Variants in EPHA3 observed in about 807,000 individuals in gnomAD.
The protein encoded by EPHA3 is ephrin type-A receptor 3.
A neutral mutation model predicts 107.1 loss-of-function variants in EPHA3; 42 were observed. The ratio of observed to expected loss-of-function variants is 0.39; its 90% CI spans 0.31 to 0.51. The LOEUF (loss-of-function observed/expected upper bound fraction) is 0.51. Ranked by LOEUF, EPHA3 falls within the 20% of genes least tolerant of loss-of-function variation. EPHA3 has a pLI of 0.78. For missense variants in EPHA3, 1,183 were observed against 1,211.2 expected (o/e 0.98, Z 0.35); for synonymous variants, 461 against 424.8 (o/e 1.09, Z -1.05).
At chr3:89,427,553 G>A (rs1390799345) in intron 11 of EPHA3, among the ~76,000 whole-genome samples, 1 of 151,834 alleles carries the variant, frequency 6.6e-6, no homozygotes. Flanking sequence ...ACTTGGAAAA[G>A]GAGTGATTTT....
chr3:89,283,197 G>A lies in EPHA3; in HGVS notation c.815-57719G>A, dbSNP rs1324770307. ...TATTGTTGATGAATTAGAATCAACAGCAAAGTGAAAAAAGTTTAAACTGAT... is the reference window on the plus strand; with the variant it reads ...TATTGTTGATGAATTAGAATCAACAACAAAGTGAAAAAAGTTTAAACTGAT... On this transcript the variant is annotated intron_variant, in intron 3 of 16. Transcript: ENST00000336596. Among the ~76,000 whole-genome samples, 4 of 152,128 alleles carry A rather than the reference G, an allele frequency of 2.6e-5. No individual in the cohort carries two copies. The East Asian group carries it at 5.8e-4, about 22-fold the overall frequency.
At chr3:89,390,539 G>A (rs1255108542) in intron 5 of EPHA3, among the ~76,000 whole-genome samples, 1 of 149,816 alleles carries the variant, frequency 6.7e-6, no homozygotes, top group African/African-American at 2.4e-5. Context: ...GGCAAAGGTT[G>A]CAGTGAGCCA....
At position 89,219,688 on chromosome 3, in the gene EPHA3, G is replaced by GTGTTTTTTTTTTTTTTTTTTTTTT; in HGVS notation, c.814+9169_814+9170insGTTTTTTTTTTTTTTTTTTTTTTT. The stretch of plus-strand genomic sequence containing the variant: ...TTACCTCCAAGAGGCATTTGGCAAT[G>GTGTTTTTTTTTTTTTTTTTTTTTT]TTTTTTTTTTTTTTGTTTTTTGTTT... On this transcript the variant is annotated intron_variant, in intron 3 of 16. Transcript: ENST00000336596. Among the ~76,000 whole-genome samples, 79 of 34,442 alleles carry GTGTTTTTTTTTTTTTTTTTTTTTT rather than the reference G, an allele frequency of 2.3e-3. 22 individuals are homozygous for GTGTTTTTTTTTTTTTTTTTTTTTT. Among genetic ancestry groups the GTGTTTTTTTTTTTTTTTTTTTTTT allele is most frequent in the Non-Finnish European group, 3.2e-3 (62 of 19,126 alleles). The allele number at this position is 34,442 out of a possible 152,430, so 22.6% of individuals were successfully genotyped here. A position where few individuals can be genotyped will look rare whatever the true frequency, so the allele number is the denominator to read the frequency against.
chr3:89,147,328 T>C (rs1286576449), intron 2 of EPHA3, among the ~76,000 whole-genome samples: 1 of 151,790 alleles, frequency 6.6e-6, no homozygotes, highest in Non-Finnish European at 1.5e-5. Context: ...TCTGCACATG[T>C]ATCCCAGAAC....
In EPHA3 at chr3:89,423,581, T is replaced by C. The variant is rs75120328; in HGVS notation, c.2074+4191T>C. The stretch of plus-strand genomic sequence containing the variant: ...AACTCTAATGACCCAAGTTTTATCA[T>C]GGATTCATGGCTGCAAATTGTTAAA... On this transcript the variant is annotated intron_variant, in intron 11 of 16. Coordinates refer to ENST00000336596, the MANE Select transcript of EPHA3 (RefSeq NM_005233.6). Among the ~76,000 whole-genome samples, 1,474 of 151,480 alleles carry C rather than the reference T, an allele frequency of 9.7e-3. 26 individuals are homozygous for C. The highest frequency in any genetic ancestry group is 0.034 in the African/African-American group (1,409 of 41,474).
rs1200630364 is a variant in EPHA3, at chr3:89,107,841, G to A, written c.88+5G>A. ...TTCCGCAGCCTTCCAATGAAGGTAA[G>A]CCAGGTACCGCGACGCACGGAGCTC... On this transcript the variant is annotated splice_donor_5th_base_variant and intron_variant, in intron 1 of 16. Transcript: ENST00000336596. 1.2e-6 allele frequency: 2 copies of A among 1,613,674 alleles called. No individual in the cohort carries two copies. Among genetic ancestry groups the A allele is most frequent in the African/African-American group, 1.3e-5 (1 of 74,908 alleles).
At chr3:89,300,969 C>T (rs1040036856) in intron 3 of EPHA3, among the ~76,000 whole-genome samples, 2 of 152,082 alleles carry the variant, frequency 1.3e-5, no homozygotes, top group African/African-American at 4.8e-5. Context: ...GAAAGTACCA[C>T]AGATGTCTTC....
chr3:89,350,534 G>T (rs1421026143), intron 5 of EPHA3, among the ~76,000 whole-genome samples: 1 of 145,174 alleles, frequency 6.9e-6, no homozygotes, highest in Non-Finnish European at 1.5e-5. Flanking sequence ...TTTTTTCAAA[G>T]TTTTCAACTT....
At chr3:89,331,650 T>C (rs1432782221) in intron 3 of EPHA3, among the ~76,000 whole-genome samples, 1 of 152,156 alleles carries the variant, frequency 6.6e-6, no homozygotes, top group Non-Finnish European at 1.5e-5. Flanking sequence ...ATCATTTCTA[T>C]CTCAGACTCC....
At chr3:89,177,741 C>CTGTAGTCCTGACAACATTTGA (rs1705351004) in intron 2 of EPHA3, among the ~76,000 whole-genome samples, 5 of 152,148 alleles carry the variant, frequency 3.3e-5, no homozygotes, top group Non-Finnish European at 7.4e-5. Context: ...TGTACATCTC[C>CTGTAGTCCTGACAACATTTGA]TGTGGGTAAT....
chr3:89,403,433 T>A (rs1267533927), intron 7 of EPHA3, among the ~76,000 whole-genome samples: 1 of 152,110 alleles, frequency 6.6e-6, no homozygotes, highest in Non-Finnish European at 1.5e-5. Context: ...TGTAGTCAGA[T>A]GGGGCAACAA....
intron 3 of EPHA3, among the ~76,000 whole-genome samples, chr3:89,320,834 A>G (rs888006554): frequency 6.6e-6 from 1 of 152,068 alleles, no homozygotes; most frequent in African/African-American, 2.4e-5. Context: ...TGTGATGAGT[A>G]TGTAATGATC....
chr3:89,158,714 T>G (rs2107064187), intron 2 of EPHA3, among the ~76,000 whole-genome samples: 1 of 152,186 alleles, frequency 6.6e-6, no homozygotes, highest in East Asian at 1.9e-4. Context: ...GGGCCTCTTC[T>G]TCTCAGCAAC....
intron 5 of EPHA3, among the ~76,000 whole-genome samples, chr3:89,362,543 GA>G: frequency 6.6e-6 from 1 of 151,178 alleles, no homozygotes; most frequent in Non-Finnish European, 1.5e-5. Flanking sequence ...GCTGCAACAA[GA>G]AAGCTTCATA....
intron 15 of EPHA3, among the ~76,000 whole-genome samples, chr3:89,455,681 G>A (rs1355435561): frequency 6.6e-6 from 1 of 152,120 alleles, no homozygotes; most frequent in African/African-American, 2.4e-5. Context: ...GCTACTTCTA[G>A]TTCCTTCAGA....
At chr3:89,176,497 TAAAAAAAAAAAAAAA>T (rs55877149) in intron 2 of EPHA3, among the ~76,000 whole-genome samples, 3 of 100,572 alleles carry the variant, frequency 3.0e-5, no homozygotes, top group African/African-American at 1.1e-4. Flanking sequence ...ATTCCATCTC[TAAAAAAAAAAAAAAA>T]AAAAAAAAAT....
At chr3:89,366,471 A>C (rs1708185801) in intron 5 of EPHA3, among the ~76,000 whole-genome samples, 1 of 150,910 alleles carries the variant, frequency 6.6e-6, no homozygotes, top group South Asian at 2.1e-4. Flanking sequence ...CAGGTATTCT[A>C]TGCGGGTGGT....
At chr3:89,130,627 CT>C (rs869075361) in intron 2 of EPHA3, among the ~76,000 whole-genome samples, 3,140 of 136,544 alleles carry the variant, frequency 0.023, 24 homozygotes, top group Admixed American at 0.042. Flanking sequence ...TTTCTATCTC[CT>C]TTTTTTTTTT....
chr3:89,149,538 G>A (rs1313915178), intron 2 of EPHA3, among the ~76,000 whole-genome samples: 2 of 151,772 alleles, frequency 1.3e-5, no homozygotes, highest in African/African-American at 4.8e-5. Flanking sequence ...ACAACATGCA[G>A]GTTTGTTACA....
Sources: allele counts gnomAD v4.1 joint callset (sites outside exome capture counted in the v4.1 genomes callset), GRCh38; gene constraint gnomAD v4.1.1; transcripts MANE v1.5; gene names NCBI Gene and HGNC (gene_info 2026-07-23, HGNC 2026-07-21).